DIPK1A: variants seen among roughly 807,000 people sequenced by gnomAD.
The protein encoded by DIPK1A is divergent protein kinase domain 1A.
A neutral mutation model predicts 40.8 loss-of-function variants in DIPK1A; 27 were observed. The ratio of observed to expected loss-of-function variants is 0.66; its 90% CI spans 0.49 to 0.91. The LOEUF (loss-of-function observed/expected upper bound fraction) is 0.91, where lower values mean the gene tolerates loss of function less well. Among genes scored for constraint, DIPK1A ranks in the 40% least tolerant of loss-of-function variants. The pLI, the probability that DIPK1A is intolerant of heterozygous loss-of-function variation, is 0.00. For missense variants in DIPK1A, 412 were observed against 505.7 expected, an observed-to-expected ratio of 0.81 and a Z score of 1.78; for synonymous variants, 166 against 171.3, an observed-to-expected ratio of 0.97 and a Z score of 0.24.
intron 1 of DIPK1A, among the ~76,000 whole-genome samples, chr1:92,940,035 G>A (rs1476769048): frequency 6.6e-6 from 1 of 152,128 alleles, no homozygotes; most frequent in Non-Finnish European, 1.5e-5. Context: ...TATTAAGCTG[G>A]CTAATGGTGA....
intron 1 of DIPK1A, among the ~76,000 whole-genome samples, chr1:92,935,937 G>C (rs145286687): frequency 8.7e-4 from 132 of 152,110 alleles, no homozygotes; most frequent in African/African-American, 3.0e-3. Context: ...AAATTAGCCA[G>C]GCTGGAACAT....
rs186014202 is a variant in DIPK1A at position 92,942,371 on chromosome 1, A to G, written c.54+19005T>C. Reference sequence around the variant, plus strand: ...TTTAAGCAATTCATTACATTAATATAAAGATCTTTTATAGGACAAAAGCAT... The same window carrying G: ...TTTAAGCAATTCATTACATTAATATGAAGATCTTTTATAGGACAAAAGCAT... On this transcript the variant is annotated intron_variant, in intron 1 of 4. Coordinates refer to ENST00000370310, the MANE Select transcript of DIPK1A (RefSeq NM_001006605.5). Among the ~76,000 whole-genome samples, 166 of 152,338 alleles carry G rather than the reference A, an allele frequency of 1.1e-3. 1 individual carries two copies. Among genetic ancestry groups the G allele is most frequent in the Admixed American group, 2.9e-3 (44 of 15,300 alleles).
intron 1 of DIPK1A, among the ~76,000 whole-genome samples, chr1:92,939,733 C>G (rs1651080467): frequency 6.6e-6 from 1 of 152,160 alleles, no homozygotes. Flanking sequence ...GCAGGAAGAT[C>G]ACTTGAGGTC....
intron 1 of DIPK1A, among the ~76,000 whole-genome samples, chr1:92,913,179 C>T (rs188819577): frequency 2.0e-4 from 31 of 152,156 alleles, no homozygotes; most frequent in African/African-American, 7.2e-4. Context: ...TTTTTAAAAT[C>T]AAGTCACCAA....
chr1:92,917,254 T>A (rs140421946), intron 1 of DIPK1A, among the ~76,000 whole-genome samples: 1 of 152,318 alleles, frequency 6.6e-6, no homozygotes, highest in African/African-American at 2.4e-5. Context: ...AGATTTTCAT[T>A]CTTTTGAATT....
At chr1:92,943,184 A>G (rs1009381412) in intron 1 of DIPK1A, among the ~76,000 whole-genome samples, 4 of 152,248 alleles carry the variant, frequency 2.6e-5, no homozygotes, top group African/African-American at 9.6e-5. Flanking sequence ...AAAGAAACAA[A>G]GAAAGAAAGA....
chr1:92,937,111 T>C (rs568053262), intron 1 of DIPK1A, among the ~76,000 whole-genome samples: 45 of 152,292 alleles, frequency 3.0e-4, no homozygotes, highest in Middle Eastern at 3.4e-3. Context: ...TTAACAGATG[T>C]AAAACAGAAA....
intron 1 of DIPK1A, among the ~76,000 whole-genome samples, chr1:92,889,621 T>G (rs956616610): frequency 2.9e-4 from 44 of 152,072 alleles, no homozygotes; most frequent in African/African-American, 9.9e-4. Context: ...ATTCTTCCAA[T>G]CCATTAACAT....
downstream of DIPK1A, among the ~76,000 whole-genome samples, chr1:92,839,661 C>T (rs1210394270): frequency 6.6e-6 from 1 of 152,180 alleles, no homozygotes; most frequent in Non-Finnish European, 1.5e-5. Flanking sequence ...TGGTCCCATA[C>T]GTTCATCATC....
chr1:92,841,701 TTTAAA>T, downstream of DIPK1A: 9 of 1,021,656 alleles, frequency 8.8e-6, no homozygotes, highest in South Asian at 4.0e-5. Context: ...TTATTAAAAT[TTTAAA>T]TTAAATATTC....
chr1:92,925,120 A>G (rs984360062), intron 1 of DIPK1A, among the ~76,000 whole-genome samples: 1 of 152,232 alleles, frequency 6.6e-6, no homozygotes, highest in South Asian at 2.1e-4. Context: ...TTTCAAATAC[A>G]AAACCAATTT....
Position 92,847,258 on chromosome 1 carries a change from T to C in DIPK1A, c.399A>G (p.Glu133=), listed in dbSNP as rs1422750829. ...DFGTELEPRK[E]IVLFDKPTRG... is the part of the protein sequence containing the mutation. ...TAGTTGGCTTATCAAATAGCACTAT[T>C]TCTTTTCTTGGTTCCAATTCAGTTC... is the stretch of plus-strand genomic sequence containing the variant. The change falls in exon 4 of 5, where the codon GAA becomes GAG. Residue 133 remains glutamate, a synonymous_variant. Transcript: ENST00000370310. The C allele has an allele frequency of 6.2e-7, 1 of 1,612,438 alleles. No individual in the cohort carries two copies. Among genetic ancestry groups the C allele is most frequent in the Non-Finnish European group, 8.5e-7 (1 of 1,179,030 alleles).
intron 1 of DIPK1A, among the ~76,000 whole-genome samples, chr1:92,892,073 T>C (rs953529976): frequency 2.6e-5 from 4 of 152,020 alleles, no homozygotes; most frequent in Non-Finnish European, 5.9e-5. Context: ...TAGACTCCAC[T>C]TCTGGGGGCA....
At chr1:92,954,009 A>G (rs970856128) in intron 1 of DIPK1A, among the ~76,000 whole-genome samples, 1 of 152,240 alleles carries the variant, frequency 6.6e-6, no homozygotes, top group African/African-American at 2.4e-5. Context: ...TACCCAATCA[A>G]CAACAAAAAA....
chr1:92,889,840 G>C (rs1448061001), intron 1 of DIPK1A, among the ~76,000 whole-genome samples: 1 of 152,060 alleles, frequency 6.6e-6, no homozygotes, highest in African/African-American at 2.4e-5. Context: ...GGTGGAGACA[G>C]GGTTTTGCCA....
chr1:92,870,020 A>T (rs138081549), intron 2 of DIPK1A, among the ~76,000 whole-genome samples: 11 of 151,670 alleles, frequency 7.3e-5, no homozygotes, highest in African/African-American at 2.7e-4. Context: ...GGAAGGGCTG[A>T]TTAGACTTTA....
chr1:92,927,351 T>C (rs1178726204), intron 1 of DIPK1A, among the ~76,000 whole-genome samples: 1 of 140,282 alleles, frequency 7.1e-6, no homozygotes, highest in Non-Finnish European at 1.5e-5. Flanking sequence ...CATGCCACCA[T>C]GCCAATTTTG....
At chr1:92,924,941 G>A (rs1650431248) in intron 1 of DIPK1A, among the ~76,000 whole-genome samples, 1 of 152,230 alleles carries the variant, frequency 6.6e-6, no homozygotes, top group Non-Finnish European at 1.5e-5. Context: ...GTTAGCTGAA[G>A]TCATGTTGTA....
intron 1 of DIPK1A, among the ~76,000 whole-genome samples, chr1:92,926,074 T>C (rs1444490662): frequency 2.6e-5 from 4 of 152,214 alleles, no homozygotes; most frequent in African/African-American, 9.6e-5. Flanking sequence ...AATTAATTGA[T>C]ATCTGCTATT....
Sources: gnomAD v4.1 joint callset for allele counts (sites outside exome capture counted in the v4.1 genomes callset) on GRCh38, gnomAD v4.1.1 for gene constraint, MANE v1.5 for transcripts, NCBI Gene and HGNC (gene_info 2026-07-23, HGNC 2026-07-21) for gene names.